NXPE1: variants seen among roughly 807,000 people sequenced by gnomAD.
NXPE1 encodes NXPE family member 1.
A neutral mutation model predicts 33.3 loss-of-function variants in NXPE1; 31 were observed. The observed-to-expected ratio is 0.93, with a 90% CI of 0.70 to 1.26. The LOEUF (loss-of-function observed/expected upper bound fraction) is 1.26. Ranked by LOEUF, NXPE1 falls within the 50% of genes most tolerant of loss-of-function variation. NXPE1 has a pLI of 0.00. For synonymous variants in NXPE1, 229 were observed against 231.4 expected, an observed-to-expected ratio of 0.99 and a Z score of 0.09; for missense variants, 661 against 655.6, an observed-to-expected ratio of 1.01 and a Z score of -0.09.
chr11:114,532,751 A>G (rs903310955), intron 5 of NXPE1, among the ~76,000 whole-genome samples: 3 of 152,182 alleles, frequency 2.0e-5, no homozygotes, highest in African/African-American at 7.2e-5. Context: ...ATAAAAGTAT[A>G]TAGGTAGATT....
intron 5 of NXPE1, among the ~76,000 whole-genome samples, chr11:114,539,827 G>C (rs1285392435): frequency 6.6e-6 from 1 of 151,874 alleles, no homozygotes; most frequent in East Asian, 1.9e-4. Context: ...TTTATTATAG[G>C]TTAATGGTAC....
At chr11:114,525,307 A>G (rs560911346) in intron 7 of NXPE1, among the ~76,000 whole-genome samples, 2 of 152,162 alleles carry the variant, frequency 1.3e-5, no homozygotes, top group South Asian at 4.2e-4. Context: ...TTAGATAGGG[A>G]GACTAATAGT....
chr11:114,546,098 T>C (rs1948273763), intron 5 of NXPE1, among the ~76,000 whole-genome samples: 1 of 152,206 alleles, frequency 6.6e-6, no homozygotes, highest in African/African-American at 2.4e-5. Context: ...ATTACAAATG[T>C]ATGACATAAC....
At chr11:114,547,900 T>G (rs935690317) in intron 5 of NXPE1, among the ~76,000 whole-genome samples, 1 of 152,120 alleles carries the variant, frequency 6.6e-6, no homozygotes, top group South Asian at 2.1e-4. Flanking sequence ...ATGGAGGATA[T>G]TGGGTACAGG....
At chr11:114,549,036 A>G (rs73564296) in intron 5 of NXPE1, among the ~76,000 whole-genome samples, 1 of 152,104 alleles carries the variant, frequency 6.6e-6, no homozygotes, top group Admixed American at 6.5e-5. Flanking sequence ...GCAAATACAT[A>G]TGAGAATCTA....
intron 7 of NXPE1, among the ~76,000 whole-genome samples, chr11:114,525,605 T>G (rs917952499): frequency 6.6e-6 from 1 of 152,156 alleles, no homozygotes; most frequent in Non-Finnish European, 1.5e-5. Flanking sequence ...TTTGCAAGTT[T>G]TGTAAGTGCC....
intron 5 of NXPE1, among the ~76,000 whole-genome samples, chr11:114,533,240 G>A (rs1250686259): frequency 6.6e-6 from 1 of 152,140 alleles, no homozygotes; most frequent in Non-Finnish European, 1.5e-5. Flanking sequence ...ATAGCAAGAA[G>A]CCGAATACAA....
intron 5 of NXPE1, among the ~76,000 whole-genome samples, chr11:114,535,836 G>A (rs1184829469): frequency 6.6e-6 from 1 of 152,104 alleles, no homozygotes; most frequent in Non-Finnish European, 1.5e-5. Flanking sequence ...AATAATGGGA[G>A]ACGTTAACAC....
intron 5 of NXPE1, among the ~76,000 whole-genome samples, chr11:114,547,267 GA>G (rs1302182558): frequency 6.6e-6 from 1 of 152,176 alleles, no homozygotes; most frequent in African/African-American, 2.4e-5. Flanking sequence ...GTGATGAGTG[GA>G]AGACCACTTA....
chr11:114,554,157 A>T (rs1172508819), intron 1 of NXPE1: 1 of 985,446 alleles, frequency 1.0e-6, no homozygotes, highest in Non-Finnish European at 1.2e-6. Flanking sequence ...ATCAATGTAC[A>T]GAGCCCGCTA....
At chr11:114,530,257 G>T (rs752983703) in exon 6 of NXPE1, 4 of 1,613,818 alleles carry the variant, frequency 2.5e-6, no homozygotes, top group Admixed American at 3.3e-5. Context: ...GCCTCACAGG[G>T]CATGTGTTGA....
chr11:114,546,115 G>A (rs1026668940), intron 5 of NXPE1, among the ~76,000 whole-genome samples: 1 of 152,210 alleles, frequency 6.6e-6, no homozygotes, highest in Non-Finnish European at 1.5e-5. Context: ...TAACCTTGCT[G>A]GATAAAAGTG....
intron 5 of NXPE1, among the ~76,000 whole-genome samples, chr11:114,539,653 T>G (rs1233317797): frequency 6.6e-6 from 1 of 152,148 alleles, no homozygotes; most frequent in Non-Finnish European, 1.5e-5. Flanking sequence ...GGAATCTGAT[T>G]AACTAATTCC....
chr11:114,534,336 A>G (rs1947710245), intron 5 of NXPE1, among the ~76,000 whole-genome samples: 1 of 152,212 alleles, frequency 6.6e-6, no homozygotes, highest in African/African-American at 2.4e-5. Flanking sequence ...AGATGGGGAA[A>G]AAACAGAGCA....
intron 7 of NXPE1, among the ~76,000 whole-genome samples, chr11:114,525,916 C>A (rs1364597597): frequency 6.6e-6 from 1 of 152,230 alleles, no homozygotes; most frequent in Non-Finnish European, 1.5e-5. Context: ...ATCCATTGGT[C>A]TCTCCTGTCC....
intron 7 of NXPE1, among the ~76,000 whole-genome samples, chr11:114,527,622 G>C (rs1210800034): frequency 6.6e-6 from 1 of 152,168 alleles, no homozygotes; most frequent in Admixed American, 6.5e-5. Context: ...CACGAATGTA[G>C]ATACTAATAC....
chr11:114,547,759 A>G (rs1405726536), intron 5 of NXPE1, among the ~76,000 whole-genome samples: 1 of 152,038 alleles, frequency 6.6e-6, no homozygotes, highest in African/African-American at 2.4e-5. Flanking sequence ...ATGATGTAAC[A>G]TGGCACCCTG....
downstream of NXPE1, among the ~76,000 whole-genome samples, chr11:114,519,926 C>T (rs543399164): frequency 1.6e-4 from 24 of 151,738 alleles, no homozygotes; most frequent in Middle Eastern, 3.4e-3. Context: ...GAGTCTCGCT[C>T]TGTAGCCCAG....
intron 1 of NXPE1, among the ~76,000 whole-genome samples, chr11:114,557,702 T>C (rs553301378): frequency 1.4e-5 from 2 of 147,924 alleles, no homozygotes; most frequent in Admixed American, 1.4e-4. Context: ...ATTTGTACAT[T>C]TAGTTTCCTT....
Sources: allele counts gnomAD v4.1 joint callset (sites outside exome capture counted in the v4.1 genomes callset), GRCh38; gene constraint gnomAD v4.1.1; transcripts MANE v1.5; gene names NCBI Gene and HGNC (gene_info 2026-07-23, HGNC 2026-07-21).